Variants in PTPRB observed in about 807,000 individuals in gnomAD.
The protein encoded by PTPRB is receptor-type tyrosine-protein phosphatase beta.
In PTPRB, 97 loss-of-function variants were observed where a neutral mutation model predicts 238.1. The observed-to-expected ratio is 0.41, with a 90% CI of 0.35 to 0.48. The LOEUF (loss-of-function observed/expected upper bound fraction) is 0.48, where lower values mean the gene tolerates loss of function less well. Ranked by LOEUF, PTPRB falls within the 20% of genes least tolerant of loss-of-function variation. PTPRB has a pLI of 0.30. For missense variants in PTPRB, 2,292 were observed against 2,681.9 expected (o/e 0.85, Z 3.21); for synonymous variants, 970 against 995.4 (o/e 0.97, Z 0.48).
At chr12:70,586,025 A>G (rs573863665) in intron 9 of PTPRB, among the ~76,000 whole-genome samples, 3 of 152,164 alleles carry the variant, frequency 2.0e-5, no homozygotes, top group African/African-American at 7.2e-5. Flanking sequence ...TATGTGCCAC[A>G]TTTTCCTAAT....
intron 2 of PTPRB, among the ~76,000 whole-genome samples, chr12:70,631,624 C>T (rs576265933): frequency 2.6e-4 from 40 of 152,212 alleles, no homozygotes; most frequent in African/African-American, 8.9e-4. Flanking sequence ...GAAGAAACTA[C>T]CATCAGAGTG....
In PTPRB at chr12:70,617,929, C is replaced by T. The variant is rs574655205; in HGVS notation, c.708+4461G>A. Among the ~76,000 whole-genome samples the T allele has an allele frequency of 1.4e-3, 210 of 152,334 alleles. 1 individual carries two copies. The highest frequency in any genetic ancestry group is 2.3e-3 in the Non-Finnish European group (157 of 68,028). ...AGTAACATTTCTAATGCATGTTCTG[C>T]ATTTTATCCCTTTCAAAGTATTTTC... On this transcript the variant is annotated intron_variant, in intron 3 of 33. Transcript: ENST00000334414.
chr12:70,533,989 A>T (rs1873697496), intron 31 of PTPRB, among the ~76,000 whole-genome samples: 2 of 152,252 alleles, frequency 1.3e-5, no homozygotes, highest in Admixed American at 6.5e-5. Flanking sequence ...AAGACATGCT[A>T]CTAGACCTGG....
intron 8 of PTPRB, among the ~76,000 whole-genome samples, chr12:70,588,176 T>G (rs912195474): frequency 6.6e-6 from 1 of 152,052 alleles, no homozygotes; most frequent in African/African-American, 2.4e-5. Context: ...AATCAAGTAT[T>G]AAAAATTTTC....
chr12:70,550,300 C>T (rs145142978), intron 21 of PTPRB, among the ~76,000 whole-genome samples: 3 of 152,266 alleles, frequency 2.0e-5, no homozygotes, highest in East Asian at 3.9e-4. Context: ...TATAAAAGAA[C>T]CATGTCACAT....
At chr12:70,599,716 C>G (rs761169067) in intron 4 of PTPRB, among the ~76,000 whole-genome samples, 1 of 152,120 alleles carries the variant, frequency 6.6e-6, no homozygotes, top group Non-Finnish European at 1.5e-5. Context: ...GCAGGCTTGA[C>G]GTCAACACAA....
chr12:70,627,822 A>G (rs1309801034), intron 2 of PTPRB, among the ~76,000 whole-genome samples: 3 of 152,212 alleles, frequency 2.0e-5, no homozygotes, highest in African/African-American at 7.2e-5. Context: ...CAGCCAATTT[A>G]GTACAAGTAG....
At chr12:70,623,006 A>T (rs1355443789) in intron 2 of PTPRB, among the ~76,000 whole-genome samples, 1 of 152,148 alleles carries the variant, frequency 6.6e-6, no homozygotes, top group Non-Finnish European at 1.5e-5. Context: ...AAAACTGTGC[A>T]AAATTATATG....
At chr12:70,591,772 G>C (rs1380344902) in intron 7 of PTPRB, 1 of 156,292 alleles carries the variant, frequency 6.4e-6, no homozygotes, top group Admixed American at 6.2e-5. Context: ...ACCACTCTTA[G>C]CTTGAGGGCT....
chr12:70,632,633 G>C (rs1470246223), intron 2 of PTPRB, among the ~76,000 whole-genome samples: 1 of 150,840 alleles, frequency 6.6e-6, no homozygotes, highest in East Asian at 1.9e-4. Context: ...GACATATATT[G>C]GAAAGGAAAG....
rs1330387005 is a variant in PTPRB, at chr12:70,538,194, A to C, written c.5907T>G (p.Asp1969Glu). 1 of 1,613,878 alleles carries C rather than the reference A, an allele frequency of 6.2e-7. No homozygotes were observed. Among genetic ancestry groups the C allele is most frequent in the Non-Finnish European group, 8.5e-7 (1 of 1,179,828 alleles). ...CATTGATGTAGTCAGAGCAAGGATCATCATCTACATTGGAGAGCTTCACTC... is the reference window on the plus strand; with the variant it reads ...CATTGATGTAGTCAGAGCAAGGATCCTCATCTACATTGGAGAGCTTCACTC... The part of the protein sequence containing the change: ...ATRVKLSNVD[D>E]DPCSDYINAS... The change falls in exon 28 of 34, where the codon GAT becomes GAG. Residue 1969 changes from aspartate to glutamate, a missense_variant. Around this residue, in one of 4 missense-constraint regions of PTPRB, gnomAD observed 397 missense variants for 502.0 expected, o/e 0.79. Coordinates refer to ENST00000334414, the MANE Select transcript of PTPRB (RefSeq NM_001109754.4).
Position 70,576,423 on chromosome 12 carries a change from C to G in PTPRB, c.2801G>C (p.Ser934Thr). The G allele has an allele frequency of 6.2e-7, 1 of 1,610,940 alleles. No individual in the cohort carries two copies. Among genetic ancestry groups the G allele is most frequent in the Non-Finnish European group, 8.5e-7 (1 of 1,178,738 alleles). Residue 934 changes from serine (S) to threonine (T), a missense_variant, in exon 11 of 34, where the codon AGT (serine) becomes ACT (threonine). By Grantham distance (58) the Ser-to-Thr change is moderately conservative. Around this residue, in one of 4 missense-constraint regions of PTPRB, gnomAD observed 1,205 missense variants for 1,287.8 expected, o/e 0.94. Coordinates refer to ENST00000334414, the MANE Select transcript of PTPRB (RefSeq NM_001109754.4). ...RLYTVTITTRSGKYENHSFSQ... is the reference protein window; with the variant it reads ...RLYTVTITTRTGKYENHSFSQ... ...GAAGGAGTGATTTTCATACTTGCCA[C>G]TCCTTGTAGTTATGGTCACGGTGTA...
intron 16 of PTPRB, among the ~76,000 whole-genome samples, chr12:70,562,150 G>T (rs890621853): frequency 2.6e-5 from 4 of 152,136 alleles, no homozygotes; most frequent in African/African-American, 4.8e-5. Context: ...CATGCATGGT[G>T]TCGTGTGCCT....
chr12:70,539,545 TATG>T (rs1411686024), intron 26 of PTPRB, 77 bp downstream of exon 26: 1 of 1,158,466 alleles, frequency 8.6e-7, no homozygotes. Context: ...TCAATCAGCC[TATG>T]ATGACACAGT....
chr12:70,572,017 C>T lies in PTPRB; in HGVS notation c.2913G>A (p.Val971=). The change falls in exon 12 of 34, where the codon GTG becomes GTA. Residue 971 remains valine (V), a synonymous_variant. Coordinates refer to ENST00000334414, the MANE Select transcript of PTPRB (RefSeq NM_001109754.4). ...AGTGATCAAAGTCTCCAGTGGCATG[C>T]ACCCAGGATACCCTTAAATAGTCAC... ...ARSDYLRVSW[V]HATGDFDHYE... is the part of the protein sequence containing the mutation. 6.2e-7 allele frequency: 1 copy of T among 1,613,702 alleles called. No homozygotes were observed. Among genetic ancestry groups the T allele is most frequent in the Non-Finnish European group, 8.5e-7 (1 of 1,179,638 alleles).
At chr12:70,602,189 C>T (rs1461681766) in intron 4 of PTPRB, among the ~76,000 whole-genome samples, 1 of 152,142 alleles carries the variant, frequency 6.6e-6, no homozygotes, top group Non-Finnish European at 1.5e-5. Context: ...TATGCTAATA[C>T]ATCAGGTTGC....
chr12:70,553,166 T>C (rs1877155028), intron 20 of PTPRB, 146 bp from the exon 21 acceptor site: 2 of 1,027,710 alleles, frequency 1.9e-6, no homozygotes, highest in Non-Finnish European at 2.8e-6. Context: ...CAAAGAACGA[T>C]GTGAAATTCT....
chr12:70,628,100 G>A (rs76816010), intron 2 of PTPRB, among the ~76,000 whole-genome samples: 4,705 of 152,184 alleles, frequency 0.031, 97 homozygotes, highest in Non-Finnish European at 0.046. Flanking sequence ...CTCTTTTAGG[G>A]ATTTTACCGG....
chr12:70,545,228 G>T (rs2136274644), intron 21 of PTPRB, among the ~76,000 whole-genome samples: 1 of 152,312 alleles, frequency 6.6e-6, no homozygotes, highest in African/African-American at 2.4e-5. Flanking sequence ...GAAAACTATT[G>T]AGAAGTAGAC....
Sources: allele counts gnomAD v4.1 joint callset (sites outside exome capture counted in the v4.1 genomes callset), GRCh38; gene constraint gnomAD v4.1.1; regional missense constraint gnomAD v4.1.1; transcripts MANE v1.5; gene names NCBI Gene and HGNC (gene_info 2026-07-23, HGNC 2026-07-21).